ARHGEF28: variants seen among roughly 807,000 people sequenced by gnomAD.
ARHGEF28 encodes Rho guanine nucleotide exchange factor 28.
In ARHGEF28, 152 loss-of-function variants were observed where a neutral mutation model predicts 206.6. That is an observed-to-expected ratio of 0.74 (90% CI 0.64 to 0.84). The LOEUF (loss-of-function observed/expected upper bound fraction) is 0.84, where lower values mean the gene tolerates loss of function less well. Among genes scored for constraint, ARHGEF28 ranks in the 40% least tolerant of loss-of-function variants. The pLI is 0.00. For synonymous variants in ARHGEF28, 763 were observed against 776.4 expected (o/e 0.98, Z 0.29); for missense variants, 2,028 against 2,073.2 (o/e 0.98, Z 0.42).
chr5:73,848,784 G>T (rs1758525320), intron 12 of ARHGEF28, among the ~76,000 whole-genome samples, 192 bp from the exon 13 acceptor site: 1 of 152,076 alleles, frequency 6.6e-6, no homozygotes, highest in Non-Finnish European at 1.5e-5. Flanking sequence ...GCTGAAGGTT[G>T]CTGAAGTATT....
intron 2 of ARHGEF28, among the ~76,000 whole-genome samples, chr5:73,737,721 T>C (rs911634878): frequency 7.2e-5 from 11 of 152,010 alleles, no homozygotes; most frequent in African/African-American, 2.4e-4. Flanking sequence ...TTCACCATAT[T>C]GGCCAGGCTG....
intron 16 of ARHGEF28, among the ~76,000 whole-genome samples, chr5:73,863,984 G>C (rs1433288967): frequency 6.6e-6 from 1 of 152,068 alleles, no homozygotes; most frequent in Non-Finnish European, 1.5e-5. Flanking sequence ...GTGTGGCTTT[G>C]ATGGACCAAC....
intron 2 of ARHGEF28, among the ~76,000 whole-genome samples, chr5:73,710,434 G>A (rs1432621207): frequency 6.6e-6 from 1 of 152,068 alleles, no homozygotes; most frequent in Non-Finnish European, 1.5e-5. Context: ...TAAGGGTCCT[G>A]GATACAGCTT....
At chr5:73,784,126 A>T (rs1580613080) in intron 7 of ARHGEF28, among the ~76,000 whole-genome samples, 2 of 43,148 alleles carry the variant, frequency 4.6e-5, no homozygotes, top group African/African-American at 1.7e-4. Flanking sequence ...GCTTCCTCTT[A>T]AAAAAAAAAA....
intron 1 of ARHGEF28, among the ~76,000 whole-genome samples, chr5:73,670,902 A>T (rs2112213881): frequency 6.6e-6 from 1 of 151,730 alleles, no homozygotes; most frequent in South Asian, 2.1e-4. Context: ...ATTTTCTCCC[A>T]CTCTGGAGCA....
chr5:73,804,493 T>C (rs909689697), intron 9 of ARHGEF28, among the ~76,000 whole-genome samples: 2 of 152,230 alleles, frequency 1.3e-5, no homozygotes, highest in African/African-American at 2.4e-5. Flanking sequence ...TTAGTGAATA[T>C]AGATTCTATA....
intron 26 of ARHGEF28, among the ~76,000 whole-genome samples, chr5:73,891,500 T>C (rs1266029946): frequency 6.6e-6 from 1 of 152,136 alleles, no homozygotes; most frequent in Non-Finnish European, 1.5e-5. Context: ...CTCTGATTGT[T>C]CTGTCTTTTA....
rs1447615076 is a variant in ARHGEF28 at position 73,894,562 on chromosome 5, A to G, written c.3828A>G (p.Ala1276=). Residue 1276 remains alanine, a synonymous_variant, in exon 29 of 36, where the codon GCA becomes GCG. Transcript: ENST00000513042. ...CCCAGGCAGCCTCATTACTGGCAGC[A>G]GCACTGAAAGAAGGTAAACTGCTGT... is the stretch of plus-strand genomic sequence containing the variant. ...EPPQAASLLA[A]ALKEAESLQV... 6.2e-7 allele frequency: 1 copy of G among 1,613,418 alleles called. No homozygotes were observed. Among genetic ancestry groups the G allele is most frequent in the Admixed American group, 1.7e-5 (1 of 59,866 alleles).
At chr5:73,796,448 C>T (rs1469653453) in intron 9 of ARHGEF28, among the ~76,000 whole-genome samples, 2 of 151,876 alleles carry the variant, frequency 1.3e-5, no homozygotes, top group African/African-American at 4.8e-5. Flanking sequence ...GTGGGTAACC[C>T]ACGGGGTCAC....
intron 1 of ARHGEF28, among the ~76,000 whole-genome samples, chr5:73,682,683 A>G (rs768915426): frequency 3.9e-5 from 6 of 152,128 alleles, no homozygotes; most frequent in Non-Finnish European, 5.9e-5. Flanking sequence ...AAGTGCTGGC[A>G]TTACAGGTGT....
At chr5:73,843,939 T>A (rs1201594578) in intron 11 of ARHGEF28, among the ~76,000 whole-genome samples, 2 of 152,178 alleles carry the variant, frequency 1.3e-5, no homozygotes, top group Non-Finnish European at 2.9e-5. Flanking sequence ...AAGTGAAGTC[T>A]TATAAAATGA....
intron 2 of ARHGEF28, among the ~76,000 whole-genome samples, chr5:73,740,038 T>TGTG (rs1401431921): frequency 6.9e-6 from 1 of 145,168 alleles, no homozygotes; most frequent in Non-Finnish European, 1.5e-5. Flanking sequence ...CTAGGTGTGG[T>TGTG]GTGGTGGTGG....
chr5:73,794,086 T>G (rs6875680), intron 7 of ARHGEF28, among the ~76,000 whole-genome samples: 2,686 of 152,340 alleles, frequency 0.018, 75 homozygotes, highest in African/African-American at 0.062. Flanking sequence ...TTTGAAGAAC[T>G]TGCGGTAGTG....
chr5:73,833,678 G>C (rs1197236045), intron 10 of ARHGEF28, among the ~76,000 whole-genome samples: 1 of 152,146 alleles, frequency 6.6e-6, no homozygotes, highest in Non-Finnish European at 1.5e-5. Flanking sequence ...AGAAATACCT[G>C]AGACTGGGTA....
chr5:73,808,763 T>C lies in ARHGEF28; in HGVS notation c.1024+13372T>C, dbSNP rs79997055. Among the ~76,000 whole-genome samples, 198 of 152,304 alleles carry C rather than the reference T, an allele frequency of 1.3e-3. 5 individuals carry two copies. The East Asian group carries it at 0.03, about 23-fold the overall frequency. The stretch of plus-strand genomic sequence containing the variant: ...AACAATGTCTAGTAGTATTAAAAAC[T>C]GTGGTGTCTTGGTGGCTTAACAGTG... On this transcript the variant is annotated intron_variant, in intron 9 of 35. Transcript: ENST00000513042.
chr5:73,800,186 G>A (rs1031179997), intron 9 of ARHGEF28, among the ~76,000 whole-genome samples: 5 of 151,834 alleles, frequency 3.3e-5, no homozygotes, highest in Non-Finnish European at 7.4e-5. Flanking sequence ...TCTTTTTTAC[G>A]TAGCTGTGAT....
chr5:73,886,252 T>C (rs184938219), intron 25 of ARHGEF28, 148 bp downstream of exon 25: 2 of 1,050,606 alleles, frequency 1.9e-6, no homozygotes, highest in African/African-American at 3.2e-5. Context: ...TGAATTTCAA[T>C]AGGCAAATTT....
chr5:73,643,899 C>T (rs1267282914), intron 1 of ARHGEF28, among the ~76,000 whole-genome samples: 1 of 151,986 alleles, frequency 6.6e-6, no homozygotes, highest in African/African-American at 2.4e-5. Flanking sequence ...CTGGAAATAT[C>T]TTTGTCATCT....
chr5:73,749,819 G>T lies in ARHGEF28; in HGVS notation c.34-18G>T. ...GGACAAGGAAGTCTGACAATGCCCC[G>T]ACTTATTCCTTTTTCAGGGGCAGAT... On this transcript the variant is annotated intron_variant, in intron 2 of 35. Coordinates refer to ENST00000513042, the MANE Select transcript of ARHGEF28 (RefSeq NM_001177693.2). 1 of 1,613,514 alleles carries T rather than the reference G, an allele frequency of 6.2e-7. No individual in the cohort carries two copies. Among genetic ancestry groups the T allele is most frequent in the South Asian group, 1.1e-5 (1 of 90,972 alleles).
Sources: allele counts gnomAD v4.1 joint callset (sites outside exome capture counted in the v4.1 genomes callset), GRCh38; gene constraint gnomAD v4.1.1; transcripts MANE v1.5; gene names NCBI Gene and HGNC (gene_info 2026-07-23, HGNC 2026-07-21).